FAM178B: variants seen among roughly 807,000 people sequenced by gnomAD.
FAM178B encodes the protein family with sequence similarity 178 member B, also known as protein FAM178B.
Under a neutral mutation model 91.7 loss-of-function variants are expected in FAM178B, and 82 were observed. The ratio of observed to expected loss-of-function variants is 0.89; its 90% confidence interval spans 0.75 to 1.07. FAM178B has a LOEUF of 1.07. Among genes scored for constraint, FAM178B ranks in the 50% least tolerant of loss-of-function variants. FAM178B has a pLI of 0.00. For missense variants in FAM178B, 769 were observed against 846.7 expected, an observed-to-expected ratio of 0.91 and a Z score of 1.14; for synonymous variants, 368 against 359.4, an observed-to-expected ratio of 1.02 and a Z score of -0.27.
At chr2:96,884,577 G>A (rs1055073653) in intron 14 of FAM178B, among the ~76,000 whole-genome samples, 2 of 152,236 alleles carry the variant, frequency 1.3e-5, no homozygotes, top group African/African-American at 2.4e-5. Context: ...TCTGGGGAGG[G>A]AGACAGAGCT....
chr2:96,947,506 C>T (rs1274590871), intron 8 of FAM178B, among the ~76,000 whole-genome samples: 3 of 152,212 alleles, frequency 2.0e-5, no homozygotes, highest in South Asian at 4.1e-4. Context: ...GAGCTGTCCC[C>T]TCAGACCTAG....
At chr2:96,936,700 G>A (rs183159573) in intron 8 of FAM178B, among the ~76,000 whole-genome samples, 6 of 151,996 alleles carry the variant, frequency 3.9e-5, no homozygotes, top group East Asian at 1.9e-4. Context: ...TAGTAGGGAC[G>A]GGGTTTTGCC....
chr2:96,902,653 C>A lies in FAM178B; in HGVS notation c.1617G>T (p.Gln539His), dbSNP rs1398034431. Residue 539 changes from glutamine (Q) to histidine (H), a missense_variant, in exon 13 of 17, where the codon CAG (glutamine) becomes CAT (histidine). Physicochemically the swap from Gln to His is conservative, Grantham distance 24. Transcript: ENST00000490605. ...LVVIARMLGQQEMLPLWQEKT... is the reference protein window; with the variant it reads ...LVVIARMLGQHEMLPLWQEKT... The stretch of plus-strand genomic sequence containing the variant: ...TCTCTTGCCAGAGAGGGAGCATCTC[C>A]TGCTGGCCCAGCATTCGAGCAATGA... 6.4e-7 allele frequency: 1 copy of A among 1,550,910 alleles called. No homozygotes were observed. The highest frequency in any genetic ancestry group is 8.7e-7 in the Non-Finnish European group (1 of 1,146,680).
chr2:96,969,325 C>T (rs1174971574), intron 4 of FAM178B, among the ~76,000 whole-genome samples: 1 of 152,182 alleles, frequency 6.6e-6, no homozygotes, highest in Non-Finnish European at 1.5e-5. Flanking sequence ...AGGCCCTGAT[C>T]CCACAGGATT....
chr2:96,926,980 A>G (rs1405157889), intron 9 of FAM178B, among the ~76,000 whole-genome samples: 1 of 152,334 alleles, frequency 6.6e-6, no homozygotes, highest in East Asian at 1.9e-4. Flanking sequence ...AGTCAGCAGA[A>G]AAAAGATGCC....
intron 12 of FAM178B, among the ~76,000 whole-genome samples, chr2:96,916,508 C>A (rs1188837455): frequency 1.3e-5 from 2 of 152,204 alleles, no homozygotes; most frequent in Non-Finnish European, 2.9e-5. Flanking sequence ...ATCCCCAGAG[C>A]CTGGGACATC....
chr2:96,902,858 T>C (rs1016810373), intron 12 of FAM178B, among the ~76,000 whole-genome samples, 151 bp from the exon 13 acceptor site: 1 of 152,198 alleles, frequency 6.6e-6, no homozygotes, highest in South Asian at 2.1e-4. Flanking sequence ...CTTACAGCAT[T>C]ATGTATTCTA....
At chr2:96,894,107 G>T in intron 13 of FAM178B, 56 bp from the exon 14 acceptor site, 1 of 1,551,844 alleles carries the variant, frequency 6.4e-7, no homozygotes, top group Non-Finnish European at 8.7e-7. Context: ...AGAGCTCAGG[G>T]TGCTCCCGGG....
intron 7 of FAM178B, among the ~76,000 whole-genome samples, chr2:96,949,117 G>C (rs186619245): frequency 8.4e-4 from 128 of 152,288 alleles, no homozygotes; most frequent in African/African-American, 3.0e-3. Context: ...CACTCTCCCG[G>C]CAAGGCTGGC....
intron 5 of FAM178B, 63 bp downstream of exon 5, chr2:96,967,457 C>CA (rs1480611465): frequency 9.6e-7 from 1 of 1,044,150 alleles, no homozygotes; most frequent in African/African-American, 1.6e-5. Context: ...TGTCCAAAAC[C>CA]AGAGGGGGTT....
intron 12 of FAM178B, among the ~76,000 whole-genome samples, chr2:96,908,618 G>A (rs529730554): frequency 7.9e-5 from 12 of 152,340 alleles, no homozygotes; most frequent in Admixed American, 3.9e-4. Context: ...AGGAGGGAAC[G>A]CCTGGCAGGG....
In FAM178B at chr2:96,910,470, C is replaced by T. The variant is rs185207431; in HGVS notation, c.1563-7763G>A. ...TGACAAAGACGGCAAAAGCAAAATA[C>T]GAATTGTGTAGTGTTGTTCCGTCTG... On this transcript the variant is annotated intron_variant, in intron 12 of 16. Coordinates refer to ENST00000490605, the MANE Select transcript of FAM178B (RefSeq NM_001122646.3). Among the ~76,000 whole-genome samples the T allele has an allele frequency of 3.3e-5, 5 of 152,342 alleles. No homozygotes were observed. In the East Asian group the frequency reaches 9.6e-4, roughly 29 times the overall value.
intron 8 of FAM178B, among the ~76,000 whole-genome samples, chr2:96,934,091 G>C (rs1335362168): frequency 2.0e-5 from 3 of 152,250 alleles, no homozygotes; most frequent in African/African-American, 7.2e-5. Context: ...ACCAGGTGCT[G>C]TTCTAAATGC....
chr2:96,970,314 C>A (rs143073812), intron 4 of FAM178B, among the ~76,000 whole-genome samples: 6 of 152,168 alleles, frequency 3.9e-5, no homozygotes, highest in Non-Finnish European at 7.4e-5. Flanking sequence ...TAGAAAGCAG[C>A]GGCAGAAATG....
intron 6 of FAM178B, among the ~76,000 whole-genome samples, chr2:96,952,400 C>A (rs988961726): frequency 3.9e-5 from 6 of 152,240 alleles, no homozygotes; most frequent in African/African-American, 1.4e-4. Context: ...GGGATGGGGG[C>A]GTGCTCAGAC....
intron 1 of FAM178B, among the ~76,000 whole-genome samples, chr2:96,976,914 C>A (rs2082295841): frequency 6.6e-6 from 1 of 151,582 alleles, no homozygotes; most frequent in Non-Finnish European, 1.5e-5. Context: ...TCGATGTGGG[C>A]TGGGCACAGT....
chr2:96,961,083 G>A (rs1269132574), intron 5 of FAM178B, among the ~76,000 whole-genome samples: 3 of 152,142 alleles, frequency 2.0e-5, no homozygotes, highest in African/African-American at 7.2e-5. Flanking sequence ...CAGAGAGTCT[G>A]ATTTAGTGGA....
In FAM178B at chr2:96,906,508, C is replaced by T. The variant is rs371424242; in HGVS notation, c.1563-3801G>A. Among the ~76,000 whole-genome samples the T allele has an allele frequency of 1.7e-4, 26 of 152,300 alleles. No individual in the cohort carries two copies. In the East Asian group the frequency reaches 2.7e-3, roughly 16 times the overall value. On this transcript the variant is annotated intron_variant, in intron 12 of 16. Coordinates refer to ENST00000490605, the MANE Select transcript of FAM178B (RefSeq NM_001122646.3). Reference sequence around the variant, plus strand: ...ATCGTGGGGGTGCCCTGACCCTGGGCCCCTTCAGCCTCAACCCCCTCCTGT... The same window carrying T: ...ATCGTGGGGGTGCCCTGACCCTGGGTCCCTTCAGCCTCAACCCCCTCCTGT...
chr2:96,921,027 A>AT (rs1333908972), intron 12 of FAM178B, 138 bp downstream of exon 12: 1 of 669,138 alleles, frequency 1.5e-6, no homozygotes, highest in Non-Finnish European at 2.6e-6. Flanking sequence ...AGTGAGTTAT[A>AT]TTTTTAGTTC....
Sources: gnomAD v4.1 joint callset for allele counts (sites outside exome capture counted in the v4.1 genomes callset) on GRCh38, gnomAD v4.1.1 for gene constraint, MANE v1.5 for transcripts, NCBI Gene and HGNC (gene_info 2026-07-23, HGNC 2026-07-21) for gene names.